Variants in SACM1L observed in about 807,000 individuals in gnomAD.
SACM1L encodes SAC1 like phosphatidylinositide phosphatase.
SACM1L carries 32 observed loss-of-function variants against 89.5 expected under a neutral mutation model. That is an observed-to-expected ratio of 0.36 (90% CI 0.27 to 0.48). SACM1L has a LOEUF of 0.48. Ranked by LOEUF, SACM1L falls within the 20% of genes least tolerant of loss-of-function variation. SACM1L has a pLI of 0.99. For missense variants in SACM1L, 543 were observed against 708.5 expected (o/e 0.77, Z 2.65); for synonymous variants, 213 against 232.8 (o/e 0.92, Z 0.77).
In SACM1L at chr3:45,743,900, A is replaced by G. The variant is rs1699370663; in HGVS notation, c.*231A>G. On this transcript the variant is annotated 3_prime_UTR_variant, in exon 20 of 20. Transcript: ENST00000389061. ...AATTTGAAGCTATTCTGTAATTAAA[A>G]TATAACCTGAATTCAGCTTGCAGAA... is the stretch of plus-strand genomic sequence containing the variant. The G allele has an allele frequency of 5.5e-6, 2 of 365,254 alleles. No homozygotes were observed. Among genetic ancestry groups the G allele is most frequent in the Non-Finnish European group, 4.8e-6 (1 of 206,382 alleles). The allele number at this position is 365,254 out of a possible 1,614,324, so 22.6% of individuals were successfully genotyped here. A position where few individuals can be genotyped will look rare whatever the true frequency, so the allele number is the denominator to read the frequency against.
At chr3:45,707,090 T>TA in intron 4 of SACM1L, 183 bp downstream of exon 4, 1 of 491,108 alleles carries the variant, frequency 2.0e-6, no homozygotes, top group East Asian at 3.7e-5. Context: ...CATTTGTTGC[T>TA]CTTGTTTTTT....
intron 11 of SACM1L, among the ~76,000 whole-genome samples, chr3:45,724,822 C>T (rs1469180489): frequency 2.0e-5 from 3 of 152,024 alleles, no homozygotes; most frequent in Admixed American, 1.3e-4. Flanking sequence ...GTATGTGTGT[C>T]TGTGTATTAC....
At chr3:45,699,024 C>T (rs1698197165) in intron 1 of SACM1L, among the ~76,000 whole-genome samples, 1 of 152,190 alleles carries the variant, frequency 6.6e-6, no homozygotes, top group African/African-American at 2.4e-5. Context: ...CCACCCGCCT[C>T]GGCCTCCCAA....
intron 2 of SACM1L, among the ~76,000 whole-genome samples, chr3:45,704,753 A>G (rs1698346963): frequency 6.6e-6 from 1 of 152,228 alleles, no homozygotes; most frequent in South Asian, 2.1e-4. Context: ...GATGATGCCA[A>G]ACAGTCATCA....
intron 11 of SACM1L, among the ~76,000 whole-genome samples, chr3:45,726,501 A>G (rs1395299186): frequency 6.6e-6 from 1 of 152,102 alleles, no homozygotes; most frequent in Non-Finnish European, 1.5e-5. Flanking sequence ...GTTGGCATAC[A>G]GTTGTTCATA....
At chr3:45,714,131 T>TA (rs769001960) in intron 7 of SACM1L, 52 bp downstream of exon 7, 5 of 1,185,850 alleles carry the variant, frequency 4.2e-6, no homozygotes, top group Non-Finnish European at 5.9e-6. Flanking sequence ...TATTTAAATT[T>TA]TATTATAAGG....
intron 1 of SACM1L, among the ~76,000 whole-genome samples, chr3:45,702,568 A>C (rs1698299769): frequency 6.6e-6 from 1 of 152,246 alleles, no homozygotes; most frequent in Admixed American, 6.5e-5. Flanking sequence ...AGTCTCCATC[A>C]GTGGCTTGGA....
intron 4 of SACM1L, among the ~76,000 whole-genome samples, chr3:45,707,810 A>G (rs541441887): frequency 6.6e-6 from 1 of 152,360 alleles, no homozygotes; most frequent in Admixed American, 6.5e-5. Flanking sequence ...GGTGTATGAC[A>G]GTTCACCAGG....
intron 5 of SACM1L, among the ~76,000 whole-genome samples, chr3:45,712,402 C>T (rs1190447730): frequency 6.6e-6 from 1 of 152,164 alleles, no homozygotes; most frequent in East Asian, 1.9e-4. Flanking sequence ...CGTGCTACCA[C>T]GTCTGACTAA....
At chr3:45,705,496 ATTTTTTTTTTTTT>A (rs36040487) in intron 3 of SACM1L, among the ~76,000 whole-genome samples, 1 of 103,226 alleles carries the variant, frequency 9.7e-6, no homozygotes, top group Non-Finnish European at 1.9e-5. Context: ...TGTAAATAAA[ATTTTTTTTTTTTT>A]TTTTTTTTTT....
At position 45,737,769 on chromosome 3, in the gene SACM1L, C is replaced by T. The variant is rs1699233674; in HGVS notation, c.1310-3C>T. Reference sequence around the variant, plus strand: ...TATCAGCTGTTTTTACTTTTTTCTACAGCCTGGGCTGACAACGCAAATGCT... The same window carrying T: ...TATCAGCTGTTTTTACTTTTTTCTATAGCCTGGGCTGACAACGCAAATGCT... On this transcript the variant is annotated splice_polypyrimidine_tract_variant and splice_region_variant and intron_variant, in intron 15 of 19. Coordinates refer to ENST00000389061, the MANE Select transcript of SACM1L (RefSeq NM_014016.5). The T allele has an allele frequency of 6.8e-6, 11 of 1,609,818 alleles. No individual in the cohort carries two copies. The highest frequency in any genetic ancestry group is 1.3e-5 in the African/African-American group (1 of 74,690).
intron 7 of SACM1L, 65 bp from the exon 8 acceptor site, chr3:45,719,435 C>A: frequency 1.1e-6 from 1 of 903,342 alleles, no homozygotes; most frequent in East Asian, 2.6e-5. Context: ...TAGATAGATG[C>A]AAACAATCTA....
intron 5 of SACM1L, among the ~76,000 whole-genome samples, chr3:45,712,729 G>C (rs888998862): frequency 6.6e-6 from 1 of 152,188 alleles, no homozygotes. Context: ...GACAGGACAT[G>C]TTAGAGAACT....
At chr3:45,729,703 CCTCT>C (rs1247834938) in intron 11 of SACM1L, among the ~76,000 whole-genome samples, 1 of 152,090 alleles carries the variant, frequency 6.6e-6, no homozygotes, top group Non-Finnish European at 1.5e-5. Context: ...TGATGAGTCT[CCTCT>C]CTCTTGCTGC....
chr3:45,710,320 C>A (rs766745266), intron 5 of SACM1L, among the ~76,000 whole-genome samples: 1 of 151,674 alleles, frequency 6.6e-6, no homozygotes, highest in Non-Finnish European at 1.5e-5. Context: ...CATGTCTCAG[C>A]CTTGTAGGTA....
intron 11 of SACM1L, among the ~76,000 whole-genome samples, chr3:45,726,094 G>A (rs1282023450): frequency 7.2e-5 from 11 of 152,038 alleles, no homozygotes; most frequent in Non-Finnish European, 1.6e-4. Context: ...GCAGAATTTG[G>A]TGTGCTAGTG....
intron 1 of SACM1L, chr3:45,689,904 T>C (rs1697929030): frequency 4.1e-6 from 1 of 241,242 alleles, no homozygotes. Flanking sequence ...AGCAGCAATT[T>C]AGAGTCTACG....
At chr3:45,742,001 C>T (rs907226645) in intron 19 of SACM1L, among the ~76,000 whole-genome samples, 12 of 152,242 alleles carry the variant, frequency 7.9e-5, no homozygotes, top group South Asian at 2.1e-4. Context: ...CACTGCCCAG[C>T]GCATGCCATT....
At chr3:45,701,511 T>C (rs1045345516) in intron 1 of SACM1L, among the ~76,000 whole-genome samples, 1 of 152,156 alleles carries the variant, frequency 6.6e-6, no homozygotes, top group Non-Finnish European at 1.5e-5. Flanking sequence ...CGGACTGAAA[T>C]AGTGGGTTTA....
Sources: gnomAD v4.1 joint callset for allele counts (sites outside exome capture counted in the v4.1 genomes callset) on GRCh38, gnomAD v4.1.1 for gene constraint, MANE v1.5 for transcripts, NCBI Gene and HGNC (gene_info 2026-07-23, HGNC 2026-07-21) for gene names.